The following CEP126 variants were observed in gnomAD, a reference collection of about 807,000 sequenced individuals.
The protein encoded by CEP126 is centrosomal protein of 126 kDa.
A neutral mutation model predicts 107.8 loss-of-function variants in CEP126; 74 were observed. The observed-to-expected ratio is 0.69, with a 90% CI of 0.57 to 0.83. The LOEUF (loss-of-function observed/expected upper bound fraction) is 0.83, where lower values mean the gene tolerates loss of function less well. Among genes scored for constraint, CEP126 ranks in the 40% least tolerant of loss-of-function variants. The pLI is 0.00. For missense variants in CEP126, 1,237 were observed against 1,281.9 expected, an observed-to-expected ratio of 0.96 and a Z score of 0.53; for synonymous variants, 449 against 446.0, an observed-to-expected ratio of 1.01 and a Z score of -0.08.
At chr11:101,919,621 C>CT (rs1940291304) in intron 1 of CEP126, among the ~76,000 whole-genome samples, 1 of 151,892 alleles carries the variant, frequency 6.6e-6, no homozygotes, top group Non-Finnish European at 1.5e-5. Flanking sequence ...CAGCAGGATT[C>CT]TTTATATTAA....
intron 3 of CEP126, among the ~76,000 whole-genome samples, chr11:101,945,686 G>C (rs1256736778): frequency 6.6e-6 from 1 of 152,100 alleles, no homozygotes; most frequent in South Asian, 2.1e-4. Context: ...CGGCTCAAAA[G>C]TCTTTAGTAA....
chr11:101,971,935 C>A (rs1941134174), intron 6 of CEP126, among the ~76,000 whole-genome samples: 1 of 151,794 alleles, frequency 6.6e-6, no homozygotes, highest in Non-Finnish European at 1.5e-5. Flanking sequence ...ATGGTGAAAC[C>A]CCGTCTCTAC....
At chr11:101,957,982 A>G (rs909460410) in intron 4 of CEP126, among the ~76,000 whole-genome samples, 186 bp from the exon 5 acceptor site, 4 of 152,184 alleles carry the variant, frequency 2.6e-5, no homozygotes, top group East Asian at 1.9e-4. Context: ...TCTCACAACT[A>G]CTTTTATTCT....
intron 4 of CEP126, among the ~76,000 whole-genome samples, chr11:101,954,614 A>G (rs1940858907): frequency 6.6e-6 from 1 of 151,994 alleles, no homozygotes; most frequent in Non-Finnish European, 1.5e-5. Context: ...CATGATATCT[A>G]TATCTATCTG....
chr11:101,932,296 T>TA (rs1565351475), intron 2 of CEP126, among the ~76,000 whole-genome samples: 2 of 152,164 alleles, frequency 1.3e-5, no homozygotes, highest in Non-Finnish European at 1.5e-5. Context: ...GGAGTAGAAA[T>TA]GTCTGCTTAT....
chr11:101,977,878 C>G lies in CEP126; in HGVS notation c.2846-469C>G, dbSNP rs147455913. On this transcript the variant is annotated intron_variant, in intron 6 of 10. Transcript: ENST00000263468. ...AGCTAATGAATGATGACACCACTGT[C>G]AACCTCTCACGCTTGGAATTTTAAC... Among the ~76,000 whole-genome samples, 21 of 152,244 alleles carry G rather than the reference C, an allele frequency of 1.4e-4. No homozygotes were observed. The East Asian group carries it at 3.9e-3, about 28-fold the overall frequency.
At chr11:101,970,521 G>A (rs908631208) in intron 6 of CEP126, among the ~76,000 whole-genome samples, 4 of 151,142 alleles carry the variant, frequency 2.6e-5, no homozygotes, top group African/African-American at 7.3e-5. Context: ...CTCAATTCAT[G>A]CACTTTTCTA....
chr11:101,967,131 C>T (rs1000720327), intron 6 of CEP126, among the ~76,000 whole-genome samples: 1 of 148,960 alleles, frequency 6.7e-6, no homozygotes, highest in African/African-American at 2.5e-5. Flanking sequence ...TGGACTCAAG[C>T]AATGCTCCCA....
chr11:101,967,486 A>G (rs137955103), intron 6 of CEP126, among the ~76,000 whole-genome samples: 152 of 152,280 alleles, frequency 1.0e-3, no homozygotes, highest in Middle Eastern at 6.8e-3. Flanking sequence ...TGCCAGGCAT[A>G]TTGGCTATAC....
At chr11:101,964,186 C>T (rs1295193558) in intron 6 of CEP126, among the ~76,000 whole-genome samples, 1 of 151,498 alleles carries the variant, frequency 6.6e-6, no homozygotes, top group African/African-American at 2.4e-5. Context: ...GCCTATAGTC[C>T]CAGCTACTCG....
chr11:101,929,080 A>T (rs911541413), intron 2 of CEP126, among the ~76,000 whole-genome samples: 1 of 151,992 alleles, frequency 6.6e-6, no homozygotes, highest in Admixed American at 6.6e-5. Context: ...ATTCTTCTTT[A>T]TATTGATTCT....
At chr11:101,992,485 A>G (rs1421493710) in intron 9 of CEP126, among the ~76,000 whole-genome samples, 1 of 152,104 alleles carries the variant, frequency 6.6e-6, no homozygotes, top group African/African-American at 2.4e-5. Context: ...TTTATTAAAA[A>G]AAGAGAAAGA....
At chr11:101,951,129 G>C (rs1247088602) in intron 4 of CEP126, among the ~76,000 whole-genome samples, 1 of 152,152 alleles carries the variant, frequency 6.6e-6, no homozygotes, top group Non-Finnish European at 1.5e-5. Flanking sequence ...AAGAAAGAAT[G>C]AAGATAATGT....
intron 9 of CEP126, among the ~76,000 whole-genome samples, chr11:101,987,875 G>A (rs1411305612): frequency 6.6e-6 from 1 of 151,608 alleles, no homozygotes; most frequent in Non-Finnish European, 1.5e-5. Flanking sequence ...AAAACACTTG[G>A]GAAAAGTACA....
chr11:101,991,488 A>C (rs947641291), intron 9 of CEP126, among the ~76,000 whole-genome samples: 1 of 152,254 alleles, frequency 6.6e-6, no homozygotes, highest in African/African-American at 2.4e-5. Context: ...TAATTTAAAT[A>C]ACTATGACTA....
Position 101,920,593 on chromosome 11 carries a change from T to A in CEP126, c.129-2048T>A, listed in dbSNP as rs562988012. 2.6e-5 allele frequency among the ~76,000 whole-genome samples: 4 copies of A among 151,988 alleles called. No individual in the cohort carries two copies. The South Asian group carries it at 8.3e-4, about 31-fold the overall frequency. On this transcript the variant is annotated intron_variant, in intron 1 of 10. Coordinates refer to ENST00000263468, the MANE Select transcript of CEP126 (RefSeq NM_020802.4). Reference sequence around the variant, plus strand: ...TGAGGTACTAAATGTGATTACACGGTAATTCAATGAACTTTTTTTTTTTTT... The same window carrying A: ...TGAGGTACTAAATGTGATTACACGGAAATTCAATGAACTTTTTTTTTTTTT...
rs1395634959 is a variant in CEP126, at chr11:101,998,188, G to A, written c.*545G>A. On this transcript the variant is annotated 3_prime_UTR_variant, in exon 11 of 11. Transcript: ENST00000263468. ...AAAGGTTACCTTTTTGTATGGTGAA[G>A]GGAGGCCTTCCTATGGCTGTACAAT... 1 of 152,508 alleles carries A rather than the reference G, an allele frequency of 6.6e-6. No homozygotes were observed. Among genetic ancestry groups the A allele is most frequent in the Non-Finnish European group, 1.5e-5 (1 of 68,302 alleles). 9.4% of individuals were successfully genotyped at this position (152,508 alleles called of 1,614,324 possible). A position where few individuals can be genotyped will look rare whatever the true frequency, so the allele number is the denominator to read the frequency against.
intron 2 of CEP126, among the ~76,000 whole-genome samples, chr11:101,931,019 A>G (rs1940491478): frequency 6.6e-6 from 1 of 152,164 alleles, no homozygotes; most frequent in Non-Finnish European, 1.5e-5. Flanking sequence ...TCCTTCTAGC[A>G]GCTCCTTCAC....
rs1453009516 is a variant in CEP126, at chr11:101,986,990, G to A, written c.3193G>A (p.Glu1065Lys). 6.2e-7 allele frequency: 1 copy of A among 1,613,374 alleles called. No homozygotes were observed. Among genetic ancestry groups the A allele is most frequent in the East Asian group, 2.2e-5 (1 of 44,800 alleles). Residue 1065 changes from glutamate to lysine, a missense_variant, in exon 9 of 11, where the codon GAA (glutamate) becomes AAA (lysine). Transcript: ENST00000263468. ...QQFNICTLSA[E>K]EQKILESLND... ...ATTCAACATCTGCACACTGTCAGCTGAAGAACAGAAGATCCTAGAGTCCCT... is the reference window on the plus strand; with the variant it reads ...ATTCAACATCTGCACACTGTCAGCTAAAGAACAGAAGATCCTAGAGTCCCT...
Sources: gnomAD v4.1 joint callset for allele counts (sites outside exome capture counted in the v4.1 genomes callset) on GRCh38, gnomAD v4.1.1 for gene constraint, MANE v1.5 for transcripts, NCBI Gene and HGNC (gene_info 2026-07-23, HGNC 2026-07-21) for gene names.